Variants in VPS8 observed in about 807,000 individuals in gnomAD.
The protein encoded by VPS8 is VPS8 subunit of CORVET complex, also known as vacuolar protein sorting-associated protein 8 homolog.
In VPS8, 129 loss-of-function variants were observed where a neutral mutation model predicts 216.4. That is an observed-to-expected ratio of 0.60 (90% CI 0.52 to 0.69). VPS8 has a LOEUF of 0.69. VPS8 is among the 30% of genes least tolerant of loss of function. The probability of loss-of-function intolerance (pLI) is 0.00; values close to 1 mark genes in which losing one functional copy is unlikely to be tolerated. For missense variants in VPS8, 1,531 were observed against 1,683.5 expected (o/e 0.91, Z 1.59); for synonymous variants, 571 against 565.4 (o/e 1.01, Z -0.14).
chr3:184,824,817 G>A lies in VPS8; in HGVS notation c.153+32G>A, dbSNP rs938376961. On this transcript the variant is annotated intron_variant, in intron 2 of 47. Coordinates refer to ENST00000625842, the MANE Select transcript of VPS8 (RefSeq NM_001009921.3). The stretch of plus-strand genomic sequence containing the variant: ...ATTTCAATTTCTGTCAAGTGATAAT[G>A]TTTAACCAGTGTAGATTAGAGTATG... The A allele has an allele frequency of 1.9e-6, 3 of 1,564,224 alleles. No individual in the cohort carries two copies. In the East Asian group the frequency reaches 7.0e-5, roughly 36 times the overall value.
intron 20 of VPS8, among the ~76,000 whole-genome samples, chr3:184,869,945 T>G (rs1444934316): frequency 1.3e-5 from 2 of 152,124 alleles, no homozygotes; most frequent in African/African-American, 4.8e-5. Context: ...TAAAATTCCT[T>G]CTTAATCACC....
chr3:184,901,220 A>C (rs1258450974), intron 25 of VPS8: 2 of 419,686 alleles, frequency 4.8e-6, no homozygotes, highest in Non-Finnish European at 4.2e-6. Flanking sequence ...ACTTTCTGTC[A>C]CTATACTTCA....
intron 3 of VPS8, among the ~76,000 whole-genome samples, chr3:184,831,105 C>CA (rs1201693442): frequency 6.6e-6 from 1 of 152,180 alleles, no homozygotes; most frequent in African/African-American, 2.4e-5. Flanking sequence ...TAGGAGGACA[C>CA]ATAAGTTAGC....
intron 28 of VPS8, chr3:184,919,024 G>T (rs1738129245): frequency 6.6e-6 from 1 of 150,750 alleles, no homozygotes; most frequent in African/African-American, 2.4e-5. Flanking sequence ...CAGACTAGTT[G>T]AAAAAAAAAG....
At chr3:184,973,203 G>GT (rs1236049228) in intron 40 of VPS8, among the ~76,000 whole-genome samples, 2 of 151,940 alleles carry the variant, frequency 1.3e-5, no homozygotes, top group Admixed American at 6.6e-5. Context: ...AGAAGAATGG[G>GT]TTTTTTTAAA....
chr3:184,968,705 T>C (rs1747829372), intron 39 of VPS8, among the ~76,000 whole-genome samples: 1 of 152,232 alleles, frequency 6.6e-6, no homozygotes, highest in Non-Finnish European at 1.5e-5. Context: ...TTTACCCATT[T>C]TTTAATTGGG....
At chr3:184,934,181 T>G (rs192216901) in intron 34 of VPS8, among the ~76,000 whole-genome samples, 23 of 152,322 alleles carry the variant, frequency 1.5e-4, no homozygotes, top group East Asian at 5.8e-4. Context: ...GTTTTGTTTT[T>G]TTTGAGACAG....
chr3:184,970,424 G>A (rs1748220807), intron 39 of VPS8, among the ~76,000 whole-genome samples: 1 of 152,200 alleles, frequency 6.6e-6, no homozygotes, highest in African/African-American at 2.4e-5. Context: ...TACACTGAGA[G>A]TGACTAAGGT....
intron 13 of VPS8, among the ~76,000 whole-genome samples, chr3:184,855,203 A>AT (rs1449850750): frequency 6.6e-6 from 1 of 152,134 alleles, no homozygotes; most frequent in Admixed American, 6.5e-5. Context: ...ACAAAATTGA[A>AT]TTTTACATTG....
intron 13 of VPS8, among the ~76,000 whole-genome samples, chr3:184,855,027 G>T (rs1311489267): frequency 6.6e-6 from 1 of 152,152 alleles, no homozygotes; most frequent in African/African-American, 2.4e-5. Context: ...GGCCCTAGGG[G>T]AAGCAGGTCT....
Position 184,900,906 on chromosome 3 carries a change from T to A in VPS8, c.2095-15T>A. 6.3e-7 allele frequency: 1 copy of A among 1,596,676 alleles called. No individual in the cohort carries two copies. ...TGAGATGATGATGATTGTTTTCCTA[T>A]TAATTTTAATGCAGAAACTTTTCAG... On this transcript the variant is annotated splice_polypyrimidine_tract_variant and intron_variant, in intron 24 of 47. Coordinates refer to ENST00000625842, the MANE Select transcript of VPS8 (RefSeq NM_001009921.3).
chr3:184,830,469 C>CAA (rs1200228780), intron 3 of VPS8, among the ~76,000 whole-genome samples: 3 of 152,092 alleles, frequency 2.0e-5, no homozygotes, highest in African/African-American at 7.2e-5. Flanking sequence ...CACACACACA[C>CAA]ACACACACAC....
At chr3:184,897,576 A>C (rs1382036389) in intron 23 of VPS8, among the ~76,000 whole-genome samples, 1 of 152,140 alleles carries the variant, frequency 6.6e-6, no homozygotes, top group Non-Finnish European at 1.5e-5. Context: ...GAAGCTGTAA[A>C]TGTGTTAGTC....
chr3:184,869,866 G>A (rs756619104), intron 20 of VPS8, among the ~76,000 whole-genome samples: 1 of 152,128 alleles, frequency 6.6e-6, no homozygotes, highest in Non-Finnish European at 1.5e-5. Flanking sequence ...TCCAGCCTGG[G>A]CAACAGAGTG....
chr3:184,864,593 A>G (rs531298878), intron 16 of VPS8, among the ~76,000 whole-genome samples: 1 of 152,322 alleles, frequency 6.6e-6, no homozygotes, highest in South Asian at 2.1e-4. Flanking sequence ...GGAAAGCTTC[A>G]TGATTCACAG....
chr3:184,846,635 G>A lies in VPS8; in HGVS notation c.542-2436G>A, dbSNP rs551105346. 7.2e-5 allele frequency among the ~76,000 whole-genome samples: 11 copies of A among 152,328 alleles called. No individual in the cohort carries two copies. In the South Asian group the frequency reaches 2.1e-3, roughly 29 times the overall value. ...AAAGCAGGGACTACAAAGGATCTTCGCAGTATGCTGCTTAGACATCGCTCT... is the reference window on the plus strand; with the variant it reads ...AAAGCAGGGACTACAAAGGATCTTCACAGTATGCTGCTTAGACATCGCTCT... On this transcript the variant is annotated intron_variant, in intron 8 of 47. Coordinates refer to ENST00000625842, the MANE Select transcript of VPS8 (RefSeq NM_001009921.3).
chr3:185,000,583 T>C (rs1389460381), intron 45 of VPS8, among the ~76,000 whole-genome samples: 2 of 150,766 alleles, frequency 1.3e-5, no homozygotes, highest in Non-Finnish European at 2.9e-5. Context: ...TAGTGAAAAG[T>C]TGGGCTTGTT....
Position 185,051,907 on chromosome 3 carries a change from G to A in VPS8, c.4169G>A (p.Arg1390His), listed in dbSNP as rs192202916. 347 of 1,610,016 alleles carry A rather than the reference G, an allele frequency of 2.2e-4. 1 individual carries two copies. Among genetic ancestry groups the A allele is most frequent in the Admixed American group, 6.7e-5 (4 of 59,484 alleles). ...CTCCTCACGGAACTCTCCCAGAATCGCAGCAGCGAGAGCTATAGGCCATTC... is the reference window on the plus strand; with the variant it reads ...CTCCTCACGGAACTCTCCCAGAATCACAGCAGCGAGAGCTATAGGCCATTC... ...LALLTELSQN[R>H]SSESYRPFSG... Residue 1390 changes from arginine to histidine, a missense_variant, in exon 48 of 48, where the codon CGC becomes CAC. Arg to His is a conservative substitution (Grantham distance 29). This residue lies in a region of VPS8 where 1,318 missense variants were observed against 1,468.4 expected (regional missense o/e 0.90). Transcript: ENST00000625842.
chr3:184,841,748 G>A (rs940651591), intron 7 of VPS8, among the ~76,000 whole-genome samples: 1 of 152,080 alleles, frequency 6.6e-6, no homozygotes, highest in Non-Finnish European at 1.5e-5. Context: ...AGAAACTTAC[G>A]AGGTCATTTA....
Sources: allele counts gnomAD v4.1 joint callset (sites outside exome capture counted in the v4.1 genomes callset), GRCh38; gene constraint gnomAD v4.1.1; regional missense constraint gnomAD v4.1.1; transcripts MANE v1.5; gene names NCBI Gene and HGNC (gene_info 2026-07-23, HGNC 2026-07-21).